The following EMG1 variants were observed in gnomAD, a reference collection of about 807,000 sequenced individuals.
EMG1 encodes EMG1 N1-specific pseudouridine methyltransferase.
Under a neutral mutation model 26.9 loss-of-function variants are expected in EMG1, and 24 were observed. The ratio of observed to expected loss-of-function variants is 0.89; its 90% confidence interval spans 0.65 to 1.26. The LOEUF is 1.26. Among genes scored for constraint, EMG1 ranks in the 50% most tolerant of loss-of-function variants. The pLI is 0.00. For missense variants in EMG1, 299 were observed against 307.6 expected, an observed-to-expected ratio of 0.97 and a Z score of 0.21; for synonymous variants, 140 against 112.6, an observed-to-expected ratio of 1.24 and a Z score of -1.54.
Position 6,970,996 on chromosome 12 carries a change from C to G in EMG1, c.73C>G (p.Leu25Val), listed in dbSNP as rs781925110. Reference sequence around the variant, plus strand: ...GGAGCAGGCACAGGACTGGGATGCTCTGCCACCCAAGCGGCCCCGACTAGG... The same window carrying G: ...GGAGCAGGCACAGGACTGGGATGCTGTGCCACCCAAGCGGCCCCGACTAGG... ...GGEQAQDWDA[L>V]PPKRPRLGAG... Residue 25 changes from leucine to valine, a missense_variant, in exon 1 of 6, where the codon CTG (leucine) becomes GTG (valine). Leu to Val is a conservative substitution (Grantham distance 32). Transcript: ENST00000599672. 8.7e-6 allele frequency: 14 copies of G among 1,612,200 alleles called. No homozygotes were observed. The highest frequency in any genetic ancestry group is 1.3e-5 in the African/African-American group (1 of 74,882).
chr12:6,983,650 A>G, downstream of EMG1: 2 of 696,550 alleles, frequency 2.9e-6, no homozygotes, highest in Non-Finnish European at 5.1e-6. Context: ...AGAAAAAAAA[A>G]ACAACATACA....
At chr12:6,990,395 G>C (rs1432059586), downstream of EMG1, among the ~76,000 whole-genome samples, 2 of 149,930 alleles carry the variant, frequency 1.3e-5, no homozygotes, top group East Asian at 2.0e-4. Context: ...TGTAGCCCCA[G>C]CTACTCGGGA....
downstream of EMG1, chr12:6,980,974 A>G: frequency 6.5e-7 from 1 of 1,544,796 alleles, no homozygotes; most frequent in Non-Finnish European, 8.7e-7. Flanking sequence ...AAATACCTAC[A>G]CAAACATCTG....
In EMG1 at chr12:6,978,948, G is replaced by A. The variant is rs782084993; in HGVS notation, c.*3139G>A. ...TTTAACTTCTCTACTGTTTGCCTTC[G>A]TTGGCAAAGTGTTTGGAATGAGCAT... On this transcript the variant is annotated 3_prime_UTR_variant, in exon 6 of 6. Coordinates refer to ENST00000599672, the MANE Select transcript of EMG1 (RefSeq NM_006331.8). 36 of 457,640 alleles carry A rather than the reference G, an allele frequency of 7.9e-5. No individual in the cohort carries two copies. The highest frequency in any genetic ancestry group is 1.6e-4 in the African/African-American group (8 of 50,536). 28.3% of individuals were successfully genotyped at this position (457,640 alleles called of 1,614,324 possible).
chr12:6,978,611 G>A lies in EMG1; in HGVS notation c.*2802G>A. On this transcript the variant is annotated 3_prime_UTR_variant, in exon 6 of 6. Coordinates refer to ENST00000599672, the MANE Select transcript of EMG1 (RefSeq NM_006331.8). ...TCAACTTTTCTACTTACTGTGACCA[G>A]CCAACAGGTGACATATTTGTACAGC... 1 of 1,614,166 alleles carries A rather than the reference G, an allele frequency of 6.2e-7. No individual in the cohort carries two copies. Among genetic ancestry groups the A allele is most frequent in the Non-Finnish European group, 8.5e-7 (1 of 1,180,024 alleles).
intron 7 of EMG1, chr12:6,997,116 A>G (rs1946643239): frequency 6.6e-6 from 1 of 152,244 alleles, no homozygotes; most frequent in South Asian, 2.1e-4. Flanking sequence ...TTTTGCTGGC[A>G]TAGCTCCTAG....
chr12:6,976,084 C>A lies in EMG1; in HGVS notation c.*275C>A. On this transcript the variant is annotated 3_prime_UTR_variant, in exon 6 of 6. Coordinates refer to ENST00000599672, the MANE Select transcript of EMG1 (RefSeq NM_006331.8). ...ACAGAGTTTGCAGTTTGGTTCCATG[C>A]TTTGAAGGCAGGCTTTAGCTCCCAG... The A allele has an allele frequency of 3.0e-6, 1 of 334,656 alleles. No individual in the cohort carries two copies. The highest frequency in any genetic ancestry group is 5.9e-5 in the South Asian group (1 of 17,092). 20.7% of individuals were successfully genotyped at this position (334,656 alleles called of 1,614,324 possible).
downstream of EMG1, among the ~76,000 whole-genome samples, chr12:6,984,556 C>A (rs1555154566): frequency 6.6e-6 from 1 of 152,170 alleles, no homozygotes; most frequent in Non-Finnish European, 1.5e-5. Context: ...TTGAGTTGGT[C>A]ATGGTTTATA....
Position 6,979,358 on chromosome 12 carries a change from A to G in EMG1, c.*3549A>G. On this transcript the variant is annotated 3_prime_UTR_variant, in exon 6 of 6. Transcript: ENST00000599672. Reference sequence around the variant, plus strand: ...CAACTCACAGATCTAGAGCAAAACCAACATGCACTTGTAGATGATATTTCC... The same window carrying G: ...CAACTCACAGATCTAGAGCAAAACCGACATGCACTTGTAGATGATATTTCC... 1 of 787,980 alleles carries G rather than the reference A, an allele frequency of 1.3e-6. No homozygotes were observed. The highest frequency in any genetic ancestry group is 1.7e-5 in the South Asian group (1 of 60,578). The allele number at this position is 787,980 out of a possible 1,614,324, so 48.8% of individuals were successfully genotyped here.
chr12:6,990,606 T>C (rs1260326842), downstream of EMG1, among the ~76,000 whole-genome samples: 2 of 151,698 alleles, frequency 1.3e-5, no homozygotes, highest in East Asian at 3.9e-4. Flanking sequence ...GGGAACTATA[T>C]ATCAATGTCT....
downstream of EMG1, chr12:6,982,612 G>A (rs2083563930): frequency 4.8e-6 from 6 of 1,240,246 alleles, no homozygotes; most frequent in Non-Finnish European, 7.1e-6. Context: ...ACAGTCCCCT[G>A]CCTACCCCTG....
At chr12:6,988,231 C>T (rs1166529306) in exon 8 of EMG1, 1 of 159,956 alleles carries the variant, frequency 6.3e-6, no homozygotes, top group African/African-American at 2.4e-5. Context: ...CACTAGCAAA[C>T]ACATGAGAAG....
intron 5 of EMG1, 40 bp from the exon 6 acceptor site, chr12:6,975,656 T>G: frequency 7.4e-7 from 1 of 1,347,446 alleles, no homozygotes; most frequent in South Asian, 1.2e-5. Flanking sequence ...AAACAGCTAC[T>G]GAGTGACAGA....
At chr12:6,971,647 A>G (rs1454158286) in intron 1 of EMG1, among the ~76,000 whole-genome samples, 1 of 152,138 alleles carries the variant, frequency 6.6e-6, no homozygotes, top group African/African-American at 2.4e-5. Context: ...CAATTGGTTT[A>G]CCAGGATTCT....
In EMG1 at chr12:6,975,317, G is replaced by A. The variant is rs782021249; in HGVS notation, c.560G>A (p.Arg187His). 10 of 1,609,550 alleles carry A rather than the reference G, an allele frequency of 6.2e-6. No homozygotes were observed. The highest frequency in any genetic ancestry group is 2.7e-5 in the African/African-American group (2 of 74,892). ...TCCATCCCGGTTGTCAGTGATGTGC[G>A]TGAGCTGGTGCCCAGCAGTGATCCT... is the stretch of plus-strand genomic sequence containing the variant. ...SFSIPVVSDV[R>H]ELVPSSDPIV... The change falls in exon 5 of 6, where the codon CGT (arginine) becomes CAT (histidine). Residue 187 changes from arginine to histidine, a missense_variant. Transcript: ENST00000599672.
rs1197970873 is a variant in EMG1, at chr12:6,977,054, T to TCTAATA, written c.*1249_*1254dup. 2.1e-5 allele frequency: 19 copies of TCTAATA among 895,320 alleles called. No homozygotes were observed. In the African/African-American group the frequency reaches 3.1e-4, roughly 15 times the overall value. 55.5% of individuals were successfully genotyped at this position (895,320 alleles called of 1,614,324 possible). A position where few individuals can be genotyped will look rare whatever the true frequency, so the allele number is the denominator to read the frequency against. On this transcript the variant is annotated 3_prime_UTR_variant, in exon 6 of 6. Transcript: ENST00000599672. This position sits in a 1 kb window ranked among gnomAD's most constrained non-coding sequence, Gnocchi z 4.5. ...TAATCCTTGGAATTCACCCCAGATT[T>TCTAATA]CTAATACTATTGTTTTTTTCCAGTC...
At chr12:6,994,450 G>A (rs1217350423) in intron 7 of EMG1, among the ~76,000 whole-genome samples, 2 of 151,738 alleles carry the variant, frequency 1.3e-5, no homozygotes, top group Non-Finnish European at 2.9e-5. Context: ...TCAAGTGATC[G>A]ACCTGCCTTG....
At chr12:6,996,261 A>G (rs782292363) in intron 7 of EMG1, among the ~76,000 whole-genome samples, 18 of 152,206 alleles carry the variant, frequency 1.2e-4, no homozygotes, top group Non-Finnish European at 2.4e-4. Flanking sequence ...CTTTGCACAG[A>G]TAAGCTCAAA....
chr12:6,973,225 T>G (rs1433283080), intron 1 of EMG1, among the ~76,000 whole-genome samples: 1 of 152,096 alleles, frequency 6.6e-6, no homozygotes, highest in African/African-American at 2.4e-5. Flanking sequence ...TGGAGTGCAG[T>G]GGTACAGTCT....
Sources: gnomAD v4.1 joint callset for allele counts (sites outside exome capture counted in the v4.1 genomes callset) on GRCh38, gnomAD v4.1.1 for gene constraint, Gnocchi (gnomAD v3.1) non-coding constraint, MANE v1.5 for transcripts, NCBI Gene and HGNC (gene_info 2026-07-23, HGNC 2026-07-21) for gene names.